The following KCNIP4 variants were observed in gnomAD, a reference collection of about 807,000 sequenced individuals.
KCNIP4 encodes the protein potassium voltage-gated channel interacting protein 4.
Under a neutral mutation model 34.0 loss-of-function variants are expected in KCNIP4, and 12 were observed. That is an observed-to-expected ratio of 0.35 (90% CI 0.23 to 0.57). The LOEUF (loss-of-function observed/expected upper bound fraction) is 0.57. Ranked by LOEUF, KCNIP4 falls within the 20% of genes least tolerant of loss-of-function variation. The probability of loss-of-function intolerance (pLI) is 0.83; values close to 1 mark genes in which losing one functional copy is unlikely to be tolerated. For missense variants in KCNIP4, 238 were observed against 311.7 expected, an observed-to-expected ratio of 0.76 and a Z score of 1.78; for synonymous variants, 124 against 102.2, an observed-to-expected ratio of 1.21 and a Z score of -1.29.
intron 1 of KCNIP4, among the ~76,000 whole-genome samples, chr4:21,429,999 A>G (rs1380793130): frequency 2.6e-5 from 4 of 152,154 alleles, no homozygotes; most frequent in African/African-American, 7.2e-5. Flanking sequence ...TTAAAAGAAA[A>G]TTATAAAATC....
intron 1 of KCNIP4, among the ~76,000 whole-genome samples, chr4:21,604,209 A>G (rs1272637919): frequency 6.6e-6 from 1 of 152,140 alleles, no homozygotes; most frequent in Non-Finnish European, 1.5e-5. Flanking sequence ...TATTGTTGCA[A>G]TGCAGATGTG....
rs138812649 is a variant in KCNIP4, at chr4:21,251,501, C to A, written c.62-368792G>T. ...CTAGAGTGTTTGTTGCTCCATCAAC[C>A]TAAAATATTAATACAAATTTTGCCC... On this transcript the variant is annotated intron_variant, in intron 1 of 8. Transcript: ENST00000382152. Among the ~76,000 whole-genome samples the A allele has an allele frequency of 1.8e-3, 275 of 151,988 alleles. 1 individual carries two copies. Among genetic ancestry groups the A allele is most frequent in the Non-Finnish European group, 2.5e-3 (169 of 67,954 alleles).
intron 1 of KCNIP4, among the ~76,000 whole-genome samples, chr4:21,757,934 A>C (rs866796038): frequency 6.6e-6 from 1 of 152,176 alleles, no homozygotes; most frequent in South Asian, 2.1e-4. Context: ...TGTGACTCCT[A>C]ACTACTAGGT....
chr4:21,649,416 A>T (rs1468555723), intron 1 of KCNIP4, among the ~76,000 whole-genome samples: 1 of 152,226 alleles, frequency 6.6e-6, no homozygotes, highest in Non-Finnish European at 1.5e-5. Flanking sequence ...TAAGAAAGAG[A>T]TAAAAATGAG....
chr4:21,364,181 T>C (rs181829909), intron 1 of KCNIP4, among the ~76,000 whole-genome samples: 2 of 152,286 alleles, frequency 1.3e-5, no homozygotes, highest in East Asian at 1.9e-4. Flanking sequence ...CCAAACATAA[T>C]AGGCTTACAA....
In KCNIP4 at chr4:21,385,565, C is replaced by T. The variant is rs147251938; in HGVS notation, c.62-502856G>A. Among the ~76,000 whole-genome samples, 195 of 152,236 alleles carry T rather than the reference C, an allele frequency of 1.3e-3. 1 individual carries two copies. Among genetic ancestry groups the T allele is most frequent in the African/African-American group, 4.5e-3 (188 of 41,546 alleles). On this transcript the variant is annotated intron_variant, in intron 1 of 8. Coordinates refer to ENST00000382152, the MANE Select transcript of KCNIP4 (RefSeq NM_025221.6). ...GATTCAATTTCTTAATCTCCATAAG[C>T]GATCAGTGCTAAAACATATAGAATG... is the stretch of plus-strand genomic sequence containing the variant.
intron 1 of KCNIP4, among the ~76,000 whole-genome samples, chr4:21,338,361 C>T (rs187847655): frequency 1.3e-5 from 2 of 149,870 alleles, no homozygotes; most frequent in Non-Finnish European, 3.0e-5. Flanking sequence ...TACATTGTGA[C>T]ATGGGAACCT....
At chr4:20,940,983 C>T (rs1336178763) in intron 1 of KCNIP4, among the ~76,000 whole-genome samples, 2 of 152,098 alleles carry the variant, frequency 1.3e-5, no homozygotes, top group Admixed American at 1.3e-4. Context: ...ACTCTTGGCC[C>T]ATTTCATGTT....
chr4:21,712,936 CCT>C (rs1171325375), intron 1 of KCNIP4, among the ~76,000 whole-genome samples: 2 of 152,126 alleles, frequency 1.3e-5, no homozygotes, highest in African/African-American at 4.8e-5. Context: ...CTTCTTCCTC[CCT>C]GTGTCTGCTT....
At chr4:21,611,651 G>GTTTGC (rs1744167438) in intron 1 of KCNIP4, among the ~76,000 whole-genome samples, 1 of 150,540 alleles carries the variant, frequency 6.6e-6, no homozygotes, top group Non-Finnish European at 1.5e-5. Context: ...TTGTTTGTTT[G>GTTTGC]TTTGTTTTTG....
At chr4:20,998,681 A>G (rs1467518667) in intron 1 of KCNIP4, among the ~76,000 whole-genome samples, 1 of 152,252 alleles carries the variant, frequency 6.6e-6, no homozygotes, top group East Asian at 1.9e-4. Context: ...CTTAAAAATA[A>G]GAAAACACTT....
chr4:21,042,938 G>A (rs1353557779), intron 1 of KCNIP4, among the ~76,000 whole-genome samples: 3 of 152,130 alleles, frequency 2.0e-5, no homozygotes, highest in Non-Finnish European at 4.4e-5. Flanking sequence ...TTAAAGGGGA[G>A]CAATCAGAGT....
chr4:20,931,424 TG>T (rs1730458345), intron 1 of KCNIP4, among the ~76,000 whole-genome samples: 4 of 151,776 alleles, frequency 2.6e-5, no homozygotes, highest in Non-Finnish European at 5.9e-5. Context: ...CAACACAGAG[TG>T]GACTTACACA....
In KCNIP4 at chr4:21,218,622, A is replaced by T. The variant is rs28491044; in HGVS notation, c.62-335913T>A. 1.7e-3 allele frequency among the ~76,000 whole-genome samples: 252 copies of T among 152,272 alleles called. 1 individual carries two copies. Among genetic ancestry groups the T allele is most frequent in the African/African-American group, 5.5e-3 (227 of 41,548 alleles). On this transcript the variant is annotated intron_variant, in intron 1 of 8. Transcript: ENST00000382152. The stretch of plus-strand genomic sequence containing the variant: ...ATTGATACTCCTAAGACCATGAGGA[A>T]ATCTATGCACTATCTGCTCAGAAAA...
At chr4:21,030,172 A>G (rs1208106539) in intron 1 of KCNIP4, among the ~76,000 whole-genome samples, 1 of 152,102 alleles carries the variant, frequency 6.6e-6, no homozygotes, top group African/African-American at 2.4e-5. Context: ...CATGGCTTGC[A>G]TTACTGCCTG....
rs1038665899 is a variant in KCNIP4 at position 21,415,013 on chromosome 4, T to C, written c.62-532304A>G. Among the ~76,000 whole-genome samples the C allele has an allele frequency of 3.3e-5, 5 of 152,246 alleles. 1 individual carries two copies. The Middle Eastern group carries it at 0.01, about 311-fold the overall frequency. On this transcript the variant is annotated intron_variant, in intron 1 of 8. Transcript: ENST00000382152. The stretch of plus-strand genomic sequence containing the variant: ...AGGTAAAACAAATTATCGCTGACTA[T>C]AGTCACCCTGTTGTGCTATCAAATG...
chr4:21,068,131 G>T lies in KCNIP4; in HGVS notation c.62-185422C>A, dbSNP rs752678539. ...CAAGAATTGATCACAATGCTCCAAGGGTGGTCTGACCAGCAGGGAACTGAG... is the reference window on the plus strand; with the variant it reads ...CAAGAATTGATCACAATGCTCCAAGTGTGGTCTGACCAGCAGGGAACTGAG... On this transcript the variant is annotated intron_variant, in intron 1 of 8. Transcript: ENST00000382152. Among the ~76,000 whole-genome samples the T allele has an allele frequency of 1.9e-4, 29 of 152,010 alleles. 1 individual carries two copies. Among genetic ancestry groups the T allele is most frequent in the African/African-American group, 2.9e-4 (12 of 41,384 alleles).
At chr4:21,257,469 G>A (rs1034798570) in intron 1 of KCNIP4, among the ~76,000 whole-genome samples, 11 of 151,996 alleles carry the variant, frequency 7.2e-5, no homozygotes, top group African/African-American at 1.9e-4. Context: ...TCTAGGCTGC[G>A]GGGCGTGGTG....
chr4:21,318,201 A>T (rs372496701), intron 1 of KCNIP4, among the ~76,000 whole-genome samples: 12 of 152,340 alleles, frequency 7.9e-5, no homozygotes, highest in African/African-American at 2.6e-4. Context: ...AGGTAAAATG[A>T]CACGCAAGTA....
Sources: allele counts gnomAD v4.1 joint callset (sites outside exome capture counted in the v4.1 genomes callset), GRCh38; gene constraint gnomAD v4.1.1; transcripts MANE v1.5; gene names NCBI Gene and HGNC (gene_info 2026-07-23, HGNC 2026-07-21).